The following CYP7B1 variants were observed in gnomAD, a reference collection of about 807,000 sequenced individuals.
CYP7B1 encodes cytochrome P450 7B1.
Under a neutral mutation model 42.7 loss-of-function variants are expected in CYP7B1, and 29 were observed. The observed-to-expected ratio is 0.68, with a 90% confidence interval of 0.51 to 0.93. The LOEUF (loss-of-function observed/expected upper bound fraction) is 0.93, where lower values mean the gene tolerates loss of function less well. Among genes scored for constraint, CYP7B1 ranks in the 40% least tolerant of loss-of-function variants. CYP7B1 has a pLI of 0.00. For synonymous variants in CYP7B1, 235 were observed against 218.2 expected (o/e 1.08, Z -0.68); for missense variants, 655 against 600.5 (o/e 1.09, Z -0.95).
chr8:64,621,024 T>G (rs1021972991), intron 2 of CYP7B1, among the ~76,000 whole-genome samples: 2 of 152,252 alleles, frequency 1.3e-5, no homozygotes, highest in African/African-American at 4.8e-5. Context: ...TTTCAATCAC[T>G]TGTTCTATCT....
chr8:64,693,411 C>A (rs537399418), intron 1 of CYP7B1, among the ~76,000 whole-genome samples: 1 of 152,174 alleles, frequency 6.6e-6, no homozygotes, highest in Non-Finnish European at 1.5e-5. Context: ...TGACACTGAG[C>A]CTTCAGAGGC....
intron 1 of CYP7B1, among the ~76,000 whole-genome samples, chr8:64,784,021 A>G (rs1388190164): frequency 6.6e-6 from 1 of 152,158 alleles, no homozygotes; most frequent in African/African-American, 2.4e-5. Flanking sequence ...TTCTTAATTT[A>G]CCAAGGTATC....
chr8:64,607,525 T>C (rs1277473473), intron 4 of CYP7B1, among the ~76,000 whole-genome samples: 1 of 152,168 alleles, frequency 6.6e-6, no homozygotes, highest in Non-Finnish European at 1.5e-5. Context: ...TGCGTACTAA[T>C]GAGAACTAGA....
intron 1 of CYP7B1, among the ~76,000 whole-genome samples, chr8:64,791,732 T>C (rs982286283): frequency 6.6e-6 from 1 of 152,194 alleles, no homozygotes; most frequent in African/African-American, 2.4e-5. Context: ...TAATTTGTTA[T>C]AGTAACATTA....
chr8:64,709,288 T>C (rs1012775716), intron 1 of CYP7B1, among the ~76,000 whole-genome samples: 2 of 152,218 alleles, frequency 1.3e-5, no homozygotes, highest in Non-Finnish European at 2.9e-5. Context: ...ACAATAAATT[T>C]GATCTTTTGA....
chr8:64,701,169 C>T (rs971611762), intron 1 of CYP7B1, among the ~76,000 whole-genome samples: 5 of 152,010 alleles, frequency 3.3e-5, no homozygotes, highest in African/African-American at 1.2e-4. Context: ...TTCTTTGTAA[C>T]ACTCTGGTAA....
chr8:64,707,284 T>A (rs1807014134), intron 1 of CYP7B1, among the ~76,000 whole-genome samples: 1 of 152,106 alleles, frequency 6.6e-6, no homozygotes, highest in Non-Finnish European at 1.5e-5. Flanking sequence ...TATTTCAACA[T>A]GCCTGTGTAA....
At chr8:64,778,613 C>T (rs1483166993) in intron 1 of CYP7B1, among the ~76,000 whole-genome samples, 1 of 152,090 alleles carries the variant, frequency 6.6e-6, no homozygotes, top group Non-Finnish European at 1.5e-5. Flanking sequence ...GAGAAACACA[C>T]TAAACTGTCT....
intron 1 of CYP7B1, among the ~76,000 whole-genome samples, chr8:64,732,189 C>T (rs1203549380): frequency 1.3e-5 from 2 of 152,284 alleles, no homozygotes; most frequent in African/African-American, 2.4e-5. Context: ...GGAAAAGCCA[C>T]ACCCAGTCAA....
In CYP7B1 at chr8:64,781,850, A is replaced by G. The variant is rs1162765908; in HGVS notation, c.122+16616T>C. ...CCTATCACAGTCTAATGGATCTACA[A>G]CCAAAAACCCAGGTCTATTCCCAAG... On this transcript the variant is annotated intron_variant, in intron 1 of 5. Transcript: ENST00000310193. 1.3e-5 allele frequency among the ~76,000 whole-genome samples: 2 copies of G among 152,132 alleles called. 1 individual carries two copies. The highest frequency in any genetic ancestry group is 2.9e-5 in the Non-Finnish European group (2 of 68,010).
At chr8:64,711,571 C>A (rs1463085793) in intron 1 of CYP7B1, among the ~76,000 whole-genome samples, 1 of 152,194 alleles carries the variant, frequency 6.6e-6, no homozygotes, top group Non-Finnish European at 1.5e-5. Flanking sequence ...CTATGTGCAT[C>A]TACATTGACC....
intron 1 of CYP7B1, among the ~76,000 whole-genome samples, chr8:64,783,001 T>G (rs1403715674): frequency 1.3e-5 from 2 of 152,178 alleles, no homozygotes; most frequent in Non-Finnish European, 2.9e-5. Context: ...CATAACATGA[T>G]GCACTAAGTG....
chr8:64,782,963 T>C (rs565217128), intron 1 of CYP7B1, among the ~76,000 whole-genome samples: 1 of 152,260 alleles, frequency 6.6e-6, no homozygotes, highest in East Asian at 1.9e-4. Context: ...CAAGAAACAA[T>C]CTAACCTCTG....
chr8:64,690,509 A>G (rs994487706), intron 1 of CYP7B1, among the ~76,000 whole-genome samples: 3 of 152,242 alleles, frequency 2.0e-5, no homozygotes, highest in Non-Finnish European at 4.4e-5. Flanking sequence ...TTTGAAGCCA[A>G]GAAACTATGA....
intron 1 of CYP7B1, among the ~76,000 whole-genome samples, chr8:64,650,457 G>T (rs1319810895): frequency 6.6e-6 from 1 of 152,058 alleles, no homozygotes; most frequent in Non-Finnish European, 1.5e-5. Flanking sequence ...AGACCAGCGT[G>T]GCCAAAATGA....
chr8:64,736,229 GT>G (rs1025470148), intron 1 of CYP7B1, among the ~76,000 whole-genome samples: 5 of 152,162 alleles, frequency 3.3e-5, no homozygotes, highest in African/African-American at 4.8e-5. Flanking sequence ...TCCCAAATCA[GT>G]CACTTCTTCA....
At chr8:64,641,355 A>G (rs1009597674) in intron 1 of CYP7B1, among the ~76,000 whole-genome samples, 3 of 152,200 alleles carry the variant, frequency 2.0e-5, no homozygotes, top group Non-Finnish European at 4.4e-5. Flanking sequence ...TCTGGTTGAT[A>G]AAAGTAAAAT....
At chr8:64,598,523 T>C (rs562617771) in intron 5 of CYP7B1, among the ~76,000 whole-genome samples, 47 of 152,324 alleles carry the variant, frequency 3.1e-4, no homozygotes, top group African/African-American at 1.1e-3. Context: ...AGCCTCTCAC[T>C]GTAGCCCCAC....
chr8:64,599,327 T>A (rs1039287793), intron 5 of CYP7B1, among the ~76,000 whole-genome samples: 4 of 152,070 alleles, frequency 2.6e-5, no homozygotes, highest in Admixed American at 1.3e-4. Context: ...TAGCTGGGAC[T>A]ACAGGCGCCC....
Sources: allele counts gnomAD v4.1 joint callset (sites outside exome capture counted in the v4.1 genomes callset), GRCh38; gene constraint gnomAD v4.1.1; transcripts MANE v1.5; gene names NCBI Gene and HGNC (gene_info 2026-07-23, HGNC 2026-07-21).